The following ATL3 variants were observed in gnomAD, a reference collection of about 807,000 sequenced individuals.
ATL3 encodes atlastin GTPase 3, also known as atlastin-3.
In ATL3, 49 loss-of-function variants were observed where a neutral mutation model predicts 69.5. The ratio of observed to expected loss-of-function variants is 0.71; its 90% CI spans 0.56 to 0.89. The LOEUF is 0.89. Among genes scored for constraint, ATL3 ranks in the 40% least tolerant of loss-of-function variants. The probability of loss-of-function intolerance (pLI) is 0.00; values close to 1 mark genes in which losing one functional copy is unlikely to be tolerated. For synonymous variants in ATL3, 214 were observed against 224.1 expected, an observed-to-expected ratio of 0.95 and a Z score of 0.40; for missense variants, 606 against 645.7, an observed-to-expected ratio of 0.94 and a Z score of 0.67.
At chr11:63,641,606 A>T (rs1039552424) in intron 8 of ATL3, among the ~76,000 whole-genome samples, 3 of 152,186 alleles carry the variant, frequency 2.0e-5, no homozygotes, top group African/African-American at 4.8e-5. Flanking sequence ...GCTAGGAGAG[A>T]GTGTGGGACA....
chr11:63,631,399 C>A lies in ATL3; in HGVS notation c.1180G>T (p.Ala394Ser), dbSNP rs1458721463. The change falls in exon 12 of 13, where the codon GCT becomes TCT. Residue 394 changes from alanine to serine, a missense_variant. Coordinates refer to ENST00000398868, the MANE Select transcript of ATL3 (RefSeq NM_015459.5). ...EEKHCEFKQL[A>S]LDHFKKTKKM... ...TTGGTCTTCTTAAAATGGTCCAGAG[C>A]AAGTTGTTTGAATTCACAGTGCTTC... 6.2e-7 allele frequency: 1 copy of A among 1,614,186 alleles called. No individual in the cohort carries two copies. The highest frequency in any genetic ancestry group is 2.2e-5 in the East Asian group (1 of 44,890).
chr11:63,664,899 C>T (rs1158118741), intron 1 of ATL3, among the ~76,000 whole-genome samples: 1 of 152,092 alleles, frequency 6.6e-6, no homozygotes, highest in Admixed American at 6.5e-5. Flanking sequence ...AGCCACCGCA[C>T]CCGGCCAATA....
chr11:63,671,152 T>C (rs894747748), intron 1 of ATL3, 138 bp downstream of exon 1: 6 of 1,386,488 alleles, frequency 4.3e-6, no homozygotes, highest in Non-Finnish European at 5.6e-6. Flanking sequence ...GGAAACCGAG[T>C]GACCCCGGCG....
intron 3 of ATL3, among the ~76,000 whole-genome samples, chr11:63,655,951 G>A (rs1010280220): frequency 3.9e-5 from 6 of 152,112 alleles, no homozygotes; most frequent in African/African-American, 1.4e-4. Flanking sequence ...TCAGCCTGGC[G>A]CAGTGGCTCA....
Position 63,636,189 on chromosome 11 carries a change from A to T in ATL3, c.978+18T>A. The T allele has an allele frequency of 1.2e-6, 2 of 1,604,076 alleles. No individual in the cohort carries two copies. The highest frequency in any genetic ancestry group is 1.7e-6 in the Non-Finnish European group (2 of 1,177,356). On this transcript the variant is annotated intron_variant, in intron 9 of 12. Coordinates refer to ENST00000398868, the MANE Select transcript of ATL3 (RefSeq NM_015459.5). Reference sequence around the variant, plus strand: ...TTACCAAAAATCAAACATTTTAATAACTAAAACCCATATTTACCTTAAAAT... The same window carrying T: ...TTACCAAAAATCAAACATTTTAATATCTAAAACCCATATTTACCTTAAAAT...
intron 3 of ATL3, among the ~76,000 whole-genome samples, chr11:63,657,208 C>CAAAAAAAAAAAAAAAAAAAAAA (rs1254213240): frequency 3.0e-4 from 18 of 59,902 alleles, no homozygotes; most frequent in African/African-American, 9.6e-4. Flanking sequence ...GACTACATCT[C>CAAAAAAAAAAAAAAAAAAAAAA]AAAAAAAAAA....
At chr11:63,641,344 C>G (rs1048874607) in intron 8 of ATL3, among the ~76,000 whole-genome samples, 2 of 152,130 alleles carry the variant, frequency 1.3e-5, no homozygotes, top group Non-Finnish European at 2.9e-5. Context: ...GTGAGTTGAA[C>G]AGCATCCCCC....
intron 2 of ATL3, 55 bp from the exon 3 acceptor site, chr11:63,658,959 G>A (rs2134523637): frequency 1.9e-6 from 3 of 1,595,398 alleles, no homozygotes; most frequent in South Asian, 2.2e-5. Flanking sequence ...TATGCATCAA[G>A]GATAATCTAT....
intron 1 of ATL3, chr11:63,670,462 G>C (rs1322849813): frequency 6.6e-6 from 1 of 152,032 alleles, no homozygotes; most frequent in Admixed American, 6.5e-5. Context: ...TTTCCTTTTT[G>C]CTCTTCGATT....
intron 3 of ATL3, among the ~76,000 whole-genome samples, chr11:63,657,685 ACAAT>A (rs903168356): frequency 6.6e-5 from 10 of 152,254 alleles, no homozygotes; most frequent in African/African-American, 1.9e-4. Context: ...AATCTTAAAA[ACAAT>A]CAATATGTAT....
intron 8 of ATL3, among the ~76,000 whole-genome samples, chr11:63,642,760 A>G (rs1939741284): frequency 6.6e-6 from 1 of 152,256 alleles, no homozygotes; most frequent in Non-Finnish European, 1.5e-5. Flanking sequence ...AAACATTACC[A>G]GGAATCTGAG....
chr11:63,655,607 C>G (rs891434847), intron 3 of ATL3, among the ~76,000 whole-genome samples: 1 of 151,790 alleles, frequency 6.6e-6, no homozygotes, highest in African/African-American at 2.4e-5. Flanking sequence ...CCCATCACAC[C>G]CAGCTAATTT....
intron 1 of ATL3, among the ~76,000 whole-genome samples, chr11:63,668,790 CTTTTTTTT>C (rs386373974): frequency 2.5e-5 from 2 of 81,492 alleles, no homozygotes; most frequent in Non-Finnish European, 4.6e-5. Flanking sequence ...AGCTGTGTTC[CTTTTTTTT>C]TTTTTTTTTT....
chr11:63,652,029 C>G, intron 4 of ATL3, 43 bp from the exon 5 acceptor site: 1 of 1,574,392 alleles, frequency 6.4e-7, no homozygotes, highest in Non-Finnish European at 8.6e-7. Flanking sequence ...TGGCTTACTT[C>G]AAACAAATCC....
chr11:63,637,914 T>G (rs1295363696), intron 8 of ATL3, among the ~76,000 whole-genome samples: 1 of 152,240 alleles, frequency 6.6e-6, no homozygotes, highest in Non-Finnish European at 1.5e-5. Context: ...TTTCATATAC[T>G]AAAGAAACTC....
rs368135144 is a variant in ATL3 at position 63,643,348 on chromosome 11, G to A, written c.850+9C>T. ...GAATCACAGGTTTAAAATAACACCTGGAACACACCTTTTAATTTCCCATCA... is the reference window on the plus strand; with the variant it reads ...GAATCACAGGTTTAAAATAACACCTAGAACACACCTTTTAATTTCCCATCA... On this transcript the variant is annotated intron_variant, in intron 8 of 12. Coordinates refer to ENST00000398868, the MANE Select transcript of ATL3 (RefSeq NM_015459.5). 31 of 1,598,032 alleles carry A rather than the reference G, an allele frequency of 1.9e-5. No individual in the cohort carries two copies. Among genetic ancestry groups the A allele is most frequent in the African/African-American group, 8.1e-5 (6 of 74,240 alleles).
intron 7 of ATL3, 91 bp from the exon 8 acceptor site, chr11:63,643,586 C>T (rs1939771065): frequency 8.2e-7 from 1 of 1,214,078 alleles, no homozygotes; most frequent in Non-Finnish European, 1.1e-6. Flanking sequence ...AAAGAAGACT[C>T]CTCAACTCTG....
chr11:63,633,207 T>A, intron 10 of ATL3, 110 bp from the exon 11 acceptor site: 1 of 830,898 alleles, frequency 1.2e-6, no homozygotes, highest in Non-Finnish European at 1.9e-6. Flanking sequence ...TTTATTAACC[T>A]TCTATTTTTC....
intron 6 of ATL3, 121 bp from the exon 7 acceptor site, chr11:63,644,382 CTT>C (rs5792299): frequency 0.038 from 12,639 of 335,566 alleles, no homozygotes; most frequent in East Asian, 0.052. Flanking sequence ...AAGGATTTAC[CTT>C]TTTTTTTTTT....
Sources: allele counts gnomAD v4.1 joint callset (sites outside exome capture counted in the v4.1 genomes callset), GRCh38; gene constraint gnomAD v4.1.1; transcripts MANE v1.5; gene names NCBI Gene and HGNC (gene_info 2026-07-23, HGNC 2026-07-21).